TLK1: variants seen among roughly 807,000 people sequenced by gnomAD.
TLK1 encodes serine/threonine-protein kinase tousled-like 1.
Under a neutral mutation model 105.3 loss-of-function variants are expected in TLK1, and 24 were observed. The ratio of observed to expected loss-of-function variants is 0.23; its 90% CI spans 0.17 to 0.32. The LOEUF (loss-of-function observed/expected upper bound fraction) is 0.32. Among genes scored for constraint, TLK1 ranks in the 10% least tolerant of loss-of-function variants. The pLI is 1.00. For synonymous variants in TLK1, 321 were observed against 310.4 expected (o/e 1.03, Z -0.36); for missense variants, 558 against 910.5 (o/e 0.61, Z 4.98).
At chr2:171,027,388 C>T (rs181925792) in intron 12 of TLK1, among the ~76,000 whole-genome samples, 3 of 152,182 alleles carry the variant, frequency 2.0e-5, no homozygotes, top group Admixed American at 2.0e-4. Context: ...ATTACTACTT[C>T]TCTGAAATCA....
At chr2:171,112,433 AAACC>A (rs1254285283) in intron 2 of TLK1, among the ~76,000 whole-genome samples, 1 of 152,198 alleles carries the variant, frequency 6.6e-6, no homozygotes, top group African/African-American at 2.4e-5. Context: ...ATAATTTTTA[AAACC>A]AACAAAATCT....
At chr2:171,050,212 G>A (rs1392195713) in intron 8 of TLK1, 38 bp from the exon 9 acceptor site, 20 of 1,419,490 alleles carry the variant, frequency 1.4e-5, no homozygotes, top group Non-Finnish European at 1.9e-5. Flanking sequence ...GTCTAGACTG[G>A]GGAATATGAA....
intron 12 of TLK1, 29 bp from the exon 13 acceptor site, chr2:171,014,977 A>G (rs914873359): frequency 6.7e-7 from 1 of 1,502,390 alleles, no homozygotes; most frequent in Non-Finnish European, 9.2e-7. Flanking sequence ...GACTATAACA[A>G]GCTCAATTTA....
In TLK1 at chr2:171,082,768, T is replaced by C; in HGVS notation, c.330+13A>G. 1 of 1,578,806 alleles carries C rather than the reference T, an allele frequency of 6.3e-7. No homozygotes were observed. Among genetic ancestry groups the C allele is most frequent in the Non-Finnish European group, 8.6e-7 (1 of 1,156,918 alleles). ...TACTTTAATAGCACCATATTTAAAA[T>C]GAAATTACTTACCTCTGATTCTTTG... is the stretch of plus-strand genomic sequence containing the variant. On this transcript the variant is annotated intron_variant, in intron 3 of 20. Transcript: ENST00000431350.
At chr2:171,140,098 T>C (rs1159032477) in intron 1 of TLK1, among the ~76,000 whole-genome samples, 1 of 152,140 alleles carries the variant, frequency 6.6e-6, no homozygotes, top group Admixed American at 6.5e-5. Flanking sequence ...CCTGGTGTTG[T>C]GGACCCGATA....
chr2:171,091,346 T>C (rs564946411), intron 2 of TLK1, among the ~76,000 whole-genome samples: 1 of 152,186 alleles, frequency 6.6e-6, no homozygotes, highest in South Asian at 2.1e-4. Flanking sequence ...TAACCAGACA[T>C]AATCTAGTAT....
At chr2:171,017,865 T>C (rs753990486) in intron 12 of TLK1, among the ~76,000 whole-genome samples, 29 of 152,220 alleles carry the variant, frequency 1.9e-4, no homozygotes, top group Non-Finnish European at 2.9e-4. Flanking sequence ...TAGATAGATA[T>C]AAACCCACCA....
intron 1 of TLK1, among the ~76,000 whole-genome samples, chr2:171,174,164 G>GT (rs1330216741): frequency 2.0e-5 from 3 of 152,028 alleles, no homozygotes; most frequent in Admixed American, 2.0e-4. Flanking sequence ...TGTTTTCCCA[G>GT]TTTTATATCT....
chr2:171,167,201 C>T (rs149209449), intron 1 of TLK1, among the ~76,000 whole-genome samples: 41 of 152,286 alleles, frequency 2.7e-4, no homozygotes, highest in African/African-American at 7.7e-4. Flanking sequence ...CTTTAAACTA[C>T]ATGTATATAT....
At chr2:171,052,151 T>C (rs1687270310) in intron 8 of TLK1, among the ~76,000 whole-genome samples, 2 of 152,080 alleles carry the variant, frequency 1.3e-5, no homozygotes, top group Non-Finnish European at 2.9e-5. Flanking sequence ...TCCTAGCTAC[T>C]TGGGAGCCTG....
At chr2:171,153,410 C>G (rs1242058508) in intron 1 of TLK1, among the ~76,000 whole-genome samples, 1 of 152,230 alleles carries the variant, frequency 6.6e-6, no homozygotes, top group East Asian at 1.9e-4. Context: ...AAATAAGCAT[C>G]TTCCTGGGTC....
At chr2:171,039,562 T>C (rs1217167044) in intron 11 of TLK1, among the ~76,000 whole-genome samples, 2 of 152,180 alleles carry the variant, frequency 1.3e-5, no homozygotes, top group East Asian at 3.9e-4. Context: ...CCAACCTCAA[T>C]GAGTGTTTCT....
chr2:171,160,297 G>A lies in TLK1; in HGVS notation c.132C>T (p.Pro44=). ...LLNHTPPSGR[P]REGAMDELHS... ...GGGCGCGGCGGTGCTTACCTTCCCT[G>A]GGCCTCCCGGATGGCGGCGTGTGAT... Residue 44 remains proline, a synonymous_variant, in exon 1 of 21, where the codon CCC becomes CCT. Coordinates refer to ENST00000431350, the MANE Select transcript of TLK1 (RefSeq NM_012290.5). The surrounding 1 kb of genome is among the most constrained non-coding windows in gnomAD (Gnocchi z 4.4). 1.9e-6 allele frequency: 3 copies of A among 1,583,974 alleles called. No homozygotes were observed. Among genetic ancestry groups the A allele is most frequent in the Non-Finnish European group, 2.6e-6 (3 of 1,168,378 alleles).
chr2:171,144,987 A>G (rs1691732091), intron 1 of TLK1, among the ~76,000 whole-genome samples: 1 of 152,216 alleles, frequency 6.6e-6, no homozygotes, highest in African/African-American at 2.4e-5. Flanking sequence ...CTTAGTCATC[A>G]GGGAAATGAA....
chr2:171,057,758 A>C (rs1687570823), intron 5 of TLK1, among the ~76,000 whole-genome samples: 1 of 152,020 alleles, frequency 6.6e-6, no homozygotes, highest in Non-Finnish European at 1.5e-5. Context: ...CTTTGCCTTA[A>C]ATGGGTTAAC....
chr2:171,081,262 A>G (rs1688740186), intron 3 of TLK1, among the ~76,000 whole-genome samples: 1 of 152,224 alleles, frequency 6.6e-6, no homozygotes, highest in Admixed American at 6.5e-5. Context: ...TATATTTGGA[A>G]TATGGGTACC....
At chr2:171,149,384 G>T (rs1350256361) in intron 1 of TLK1, among the ~76,000 whole-genome samples, 2 of 151,978 alleles carry the variant, frequency 1.3e-5, no homozygotes, top group East Asian at 3.9e-4. Context: ...TACAGATAAG[G>T]CATTGAGAGG....
intron 13 of TLK1, 45 bp from the exon 14 acceptor site, chr2:171,011,499 A>T (rs374527582): frequency 6.5e-6 from 10 of 1,541,698 alleles, no homozygotes; most frequent in Non-Finnish European, 8.9e-6. Context: ...ACACACACAT[A>T]AAAATTCCTT....
chr2:171,076,836 C>G (rs921769124), intron 3 of TLK1, among the ~76,000 whole-genome samples: 1 of 151,784 alleles, frequency 6.6e-6, no homozygotes, highest in Admixed American at 6.6e-5. Flanking sequence ...ATGGCGTGAA[C>G]CCGGGAGGCA....
Sources: allele counts gnomAD v4.1 joint callset (sites outside exome capture counted in the v4.1 genomes callset), GRCh38; gene constraint gnomAD v4.1.1; non-coding constraint Gnocchi (gnomAD v3.1); transcripts MANE v1.5; gene names NCBI Gene and HGNC (gene_info 2026-07-23, HGNC 2026-07-21).